NKAIN3: variants seen among roughly 807,000 people sequenced by gnomAD.
NKAIN3 encodes sodium/potassium-transporting ATPase subunit beta-1-interacting protein 3.
NKAIN3 carries 25 observed loss-of-function variants against 30.2 expected under a neutral mutation model. The observed-to-expected ratio is 0.83, with a 90% CI of 0.60 to 1.16. The LOEUF (loss-of-function observed/expected upper bound fraction) is 1.16. Among genes scored for constraint, NKAIN3 ranks in the 50% most tolerant of loss-of-function variants. The pLI, the probability that NKAIN3 is intolerant of heterozygous loss-of-function variation, is 0.00. For synonymous variants in NKAIN3, 91 were observed against 89.6 expected, an observed-to-expected ratio of 1.02 and a Z score of -0.09; for missense variants, 225 against 254.1, an observed-to-expected ratio of 0.89 and a Z score of 0.78.
chr8:62,288,116 A>G (rs1176444249), intron 1 of NKAIN3, among the ~76,000 whole-genome samples: 1 of 152,150 alleles, frequency 6.6e-6, no homozygotes, highest in Admixed American at 6.6e-5. Context: ...TTGTGCTTCT[A>G]CAGTGCCTTT....
intron 3 of NKAIN3, among the ~76,000 whole-genome samples, chr8:62,673,747 T>C (rs1157536934): frequency 6.6e-6 from 1 of 152,178 alleles, no homozygotes. Context: ...CTGAATACTA[T>C]AGGCAGTTGT....
At chr8:62,932,694 T>G (rs528164903) in intron 5 of NKAIN3, among the ~76,000 whole-genome samples, 20 of 151,632 alleles carry the variant, frequency 1.3e-4, no homozygotes, top group African/African-American at 4.1e-4. Context: ...ACACTAGTGA[T>G]TTTCAACCTA....
At chr8:62,804,914 C>T (rs1818214886) in intron 4 of NKAIN3, among the ~76,000 whole-genome samples, 2 of 152,172 alleles carry the variant, frequency 1.3e-5, no homozygotes, top group Non-Finnish European at 2.9e-5. Flanking sequence ...ATTGTCTCAG[C>T]CCAAAATCTC....
rs967644623 is a variant in NKAIN3, at chr8:62,752,411, T to C, written c.471+5282T>C. Among the ~76,000 whole-genome samples the C allele has an allele frequency of 6.6e-5, 10 of 152,322 alleles. No individual in the cohort carries two copies. The East Asian group carries it at 1.9e-3, about 29-fold the overall frequency. On this transcript the variant is annotated intron_variant, in intron 4 of 6. Coordinates refer to ENST00000623646, the MANE Select transcript of NKAIN3 (RefSeq NM_001304533.3). ...TTTCTTTAATCCCACACCAGACAACTGTTTCCTGCATGAGAACATAATTCC... is the reference window on the plus strand; with the variant it reads ...TTTCTTTAATCCCACACCAGACAACCGTTTCCTGCATGAGAACATAATTCC...
chr8:62,331,170 C>G (rs549653470), intron 1 of NKAIN3, among the ~76,000 whole-genome samples: 116 of 147,688 alleles, frequency 7.9e-4, no homozygotes, highest in Middle Eastern at 3.4e-3. Flanking sequence ...CCCCCAAAGC[C>G]CTATTGTATA....
intron 1 of NKAIN3, among the ~76,000 whole-genome samples, chr8:62,427,048 T>A (rs1406348997): frequency 6.6e-6 from 1 of 152,036 alleles, no homozygotes; most frequent in Admixed American, 6.6e-5. Context: ...CTAGTGGCAG[T>A]GTTACTGTCA....
intron 1 of NKAIN3, among the ~76,000 whole-genome samples, chr8:62,418,294 C>T (rs753614236): frequency 2.6e-5 from 4 of 152,124 alleles, no homozygotes; most frequent in African/African-American, 4.8e-5. Context: ...GTAAAATTAG[C>T]TCCTCACACA....
At chr8:62,249,347 C>T (rs1277049509) in intron 1 of NKAIN3, among the ~76,000 whole-genome samples, 4 of 152,162 alleles carry the variant, frequency 2.6e-5, no homozygotes, top group Non-Finnish European at 5.9e-5. Flanking sequence ...CGCGGTCTCA[C>T]CCCCGGTCCC....
At chr8:62,489,183 A>ATT (rs56881745) in intron 1 of NKAIN3, among the ~76,000 whole-genome samples, 51,319 of 142,454 alleles carry the variant, frequency 0.36, 10,629 homozygotes, top group Non-Finnish European at 0.48. Flanking sequence ...CACCTGGCTA[A>ATT]TTTTTTTTTT....
chr8:62,347,209 A>G (rs1483149683), intron 1 of NKAIN3, among the ~76,000 whole-genome samples: 2 of 152,152 alleles, frequency 1.3e-5, no homozygotes, highest in Non-Finnish European at 2.9e-5. Flanking sequence ...TGCATAACTT[A>G]AAATTACACT....
intron 1 of NKAIN3, among the ~76,000 whole-genome samples, chr8:62,453,825 A>G (rs1313060663): frequency 6.6e-6 from 1 of 152,158 alleles, no homozygotes; most frequent in Non-Finnish European, 1.5e-5. Flanking sequence ...ATATTGAACC[A>G]GGAAGAGATT....
chr8:62,770,303 T>G (rs1288148464), intron 4 of NKAIN3, among the ~76,000 whole-genome samples: 1 of 152,188 alleles, frequency 6.6e-6, no homozygotes, highest in Non-Finnish European at 1.5e-5. Flanking sequence ...CCCACACAGG[T>G]GCAATAGCAG....
chr8:62,990,416 A>T (rs1013482084), intron 5 of NKAIN3: 20 of 1,143,376 alleles, frequency 1.7e-5, no homozygotes, highest in Non-Finnish European at 2.2e-5. Flanking sequence ...TTTAACCAGC[A>T]GTGCTCTTTG....
chr8:62,637,780 A>C (rs1028387399), intron 3 of NKAIN3, among the ~76,000 whole-genome samples: 2 of 152,144 alleles, frequency 1.3e-5, no homozygotes, highest in African/African-American at 4.8e-5. Context: ...CTTCTGTCCC[A>C]CACATGAGAG....
intron 1 of NKAIN3, among the ~76,000 whole-genome samples, chr8:62,269,558 GGT>G (rs1453657757): frequency 3.3e-5 from 5 of 151,998 alleles, no homozygotes; most frequent in Admixed American, 3.3e-4. Flanking sequence ...GCTAATACAG[GGT>G]GCATAGCAAA....
chr8:62,395,312 A>G (rs190706076), intron 1 of NKAIN3, among the ~76,000 whole-genome samples: 18 of 151,510 alleles, frequency 1.2e-4, no homozygotes, highest in African/African-American at 4.4e-4. Flanking sequence ...CACTTCCCAG[A>G]CGGTGGGGCG....
chr8:62,937,435 G>A (rs942733452), intron 5 of NKAIN3, among the ~76,000 whole-genome samples: 2 of 152,100 alleles, frequency 1.3e-5, no homozygotes, highest in African/African-American at 4.8e-5. Flanking sequence ...CACGGGAGAA[G>A]AATTTAACCT....
At chr8:62,297,664 C>A (rs1371724283) in intron 1 of NKAIN3, among the ~76,000 whole-genome samples, 1 of 151,734 alleles carries the variant, frequency 6.6e-6, no homozygotes. Context: ...ATTAAAAAGT[C>A]AGGAAACAAC....
chr8:62,460,352 C>T lies in NKAIN3; in HGVS notation c.55-119187C>T, dbSNP rs572805006. 6.0e-4 allele frequency among the ~76,000 whole-genome samples: 90 copies of T among 149,516 alleles called. 1 individual carries two copies. The highest frequency in any genetic ancestry group is 8.7e-4 in the Non-Finnish European group (59 of 67,636). ...ACTTGAACCCAGGAGGCTGGGTTGC[C>T]GTGAGCTGAGATCACACCATTGCAC... On this transcript the variant is annotated intron_variant, in intron 1 of 6. Coordinates refer to ENST00000623646, the MANE Select transcript of NKAIN3 (RefSeq NM_001304533.3).
Sources: allele counts gnomAD v4.1 joint callset (sites outside exome capture counted in the v4.1 genomes callset), GRCh38; gene constraint gnomAD v4.1.1; transcripts MANE v1.5; gene names NCBI Gene and HGNC (gene_info 2026-07-23, HGNC 2026-07-21).